The following C2orf42 variants were observed in gnomAD, a reference collection of about 807,000 sequenced individuals.
C2orf42 encodes uncharacterized protein C2orf42.
A neutral mutation model predicts 58.9 loss-of-function variants in C2orf42; 44 were observed. The observed-to-expected ratio is 0.75, with a 90% CI of 0.59 to 0.96. The LOEUF (loss-of-function observed/expected upper bound fraction) is 0.96, where lower values mean the gene tolerates loss of function less well. C2orf42 is among the 40% of genes least tolerant of loss of function. The pLI, the probability that C2orf42 is intolerant of heterozygous loss-of-function variation, is 0.00. For missense variants in C2orf42, 630 were observed against 699.2 expected (o/e 0.90, Z 1.12); for synonymous variants, 239 against 265.4 (o/e 0.90, Z 0.97).
chr2:70,175,862 T>C lies in C2orf42; in HGVS notation c.935-85A>G, dbSNP rs780354319. 9.0e-5 allele frequency: 77 copies of C among 857,448 alleles called. No homozygotes were observed. In the East Asian group the frequency reaches 1.7e-3, roughly 19 times the overall value. 53.1% of individuals were successfully genotyped at this position (857,448 alleles called of 1,614,324 possible). A position where few individuals can be genotyped will look rare whatever the true frequency, so the allele number is the denominator to read the frequency against. On this transcript the variant is annotated intron_variant, in intron 4 of 9. Coordinates refer to ENST00000264434, the MANE Select transcript of C2orf42 (RefSeq NM_017880.3). ...GTTAATTTTTAGAGTCTAAAACATATAAACAGTCTTTGCTAATTTCTAGGT... is the reference window on the plus strand; with the variant it reads ...GTTAATTTTTAGAGTCTAAAACATACAAACAGTCTTTGCTAATTTCTAGGT...
At chr2:70,159,706 T>C (rs1672934196) in intron 9 of C2orf42, among the ~76,000 whole-genome samples, 1 of 152,164 alleles carries the variant, frequency 6.6e-6, no homozygotes, top group African/African-American at 2.4e-5. Flanking sequence ...GATTTTAATT[T>C]TTCTTCTTTT....
chr2:70,183,978 A>G, intron 1 of C2orf42, among the ~76,000 whole-genome samples: 1 of 151,822 alleles, frequency 6.6e-6, no homozygotes, highest in East Asian at 1.9e-4. Context: ...GCTAATTTTT[A>G]AAAAATTTTT....
chr2:70,181,507 T>C lies in C2orf42; in HGVS notation c.479A>G (p.Gln160Arg), dbSNP rs1487267094. The C allele has an allele frequency of 2.5e-6, 4 of 1,613,412 alleles. No individual in the cohort carries two copies. The highest frequency in any genetic ancestry group is 3.3e-5 in the Admixed American group (2 of 59,994). Residue 160 changes from glutamine (Q) to arginine (R), a missense_variant, in exon 3 of 10, where the codon CAG becomes CGG. Transcript: ENST00000264434. Reference protein sequence around the residue: ...TLKSSVLNAMQASPETKQTIW... With the variant: ...TLKSSVLNAMRASPETKQTIW... ...GGTCTGTTTGGTTTCCGGGGAGGCC[T>C]GCATTGCATTCAGGACCGAGCTCTT...
At chr2:70,173,972 C>A (rs1674012903) in intron 5 of C2orf42, among the ~76,000 whole-genome samples, 1 of 152,066 alleles carries the variant, frequency 6.6e-6, no homozygotes, top group South Asian at 2.1e-4. Flanking sequence ...ACACATCCTG[C>A]AAGACACCTG....
At chr2:70,160,512 G>T in intron 9 of C2orf42, 113 bp downstream of exon 9, 1 of 680,008 alleles carries the variant, frequency 1.5e-6, no homozygotes, top group Non-Finnish European at 2.4e-6. Flanking sequence ...GCCTTTACAA[G>T]GTGAATGAAT....
intron 1 of C2orf42, among the ~76,000 whole-genome samples, chr2:70,189,388 A>G (rs1291852617): frequency 7.5e-6 from 1 of 133,236 alleles, no homozygotes; most frequent in Admixed American, 7.7e-5. Flanking sequence ...CCTGGGGAAC[A>G]AGAGAGAAAC....
At chr2:70,157,409 C>T (rs1164793211) in intron 9 of C2orf42, among the ~76,000 whole-genome samples, 1 of 151,770 alleles carries the variant, frequency 6.6e-6, no homozygotes, top group Non-Finnish European at 1.5e-5. Flanking sequence ...GAGCCGAGAT[C>T]GCACCACTGC....
intron 4 of C2orf42, among the ~76,000 whole-genome samples, chr2:70,178,226 T>G (rs1471893065): frequency 6.6e-6 from 1 of 152,228 alleles, no homozygotes; most frequent in Non-Finnish European, 1.5e-5. Context: ...CTAGGTCTCT[T>G]GATGCTTACC....
At position 70,175,777 on chromosome 2, in the gene C2orf42, C is replaced by A. The variant is rs760473089; in HGVS notation, c.935G>T (p.Gly312Val). 6.3e-7 allele frequency: 1 copy of A among 1,575,788 alleles called. No individual in the cohort carries two copies. The highest frequency in any genetic ancestry group is 1.1e-5 in the South Asian group (1 of 90,250). The change falls in exon 5 of 10, where the codon GGT becomes GTT. Residue 312 changes from glycine to valine, a missense_variant and splice_region_variant. Coordinates refer to ENST00000264434, the MANE Select transcript of C2orf42 (RefSeq NM_017880.3). The part of the protein sequence containing the change: ...SKKRRKDEVS[G>V]AQMNSSLLPQ... ...CAGTAGTGAACTGTTCATCTGTGCA[C>A]CTAAACCACAAATCATTACAGGTTT... is the stretch of plus-strand genomic sequence containing the variant.
chr2:70,157,255 C>T (rs1017685057), intron 9 of C2orf42, among the ~76,000 whole-genome samples: 3 of 149,498 alleles, frequency 2.0e-5, no homozygotes, highest in Non-Finnish European at 4.4e-5. Context: ...GAGATCGAGA[C>T]CATCCTGGCT....
intron 8 of C2orf42, among the ~76,000 whole-genome samples, chr2:70,161,840 C>CAAAA (rs1172754744): frequency 1.3e-5 from 1 of 77,482 alleles, no homozygotes; most frequent in African/African-American, 4.1e-5. Flanking sequence ...AAGTCCGTGT[C>CAAAA]AAAAAAAAAA....
Position 70,165,590 on chromosome 2 carries a change from TC to T in C2orf42, c.1189del (p.Asp397MetfsTer9), listed in dbSNP as rs1206870471. 6.2e-7 allele frequency: 1 copy of T among 1,611,816 alleles called. No individual in the cohort carries two copies. The highest frequency in any genetic ancestry group is 1.7e-5 in the Admixed American group (1 of 59,930). On this transcript the variant is annotated frameshift_variant, in exon 7 of 10. Coordinates refer to ENST00000264434, the MANE Select transcript of C2orf42 (RefSeq NM_017880.3). LOFTEE classifies it high-confidence loss of function. Reference sequence around the variant, plus strand: ...TATAGATATTCTTTGTTGCAGGGCATCAAAAAATGACTGAGGAATGTGGAAC... The same window carrying T: ...TATAGATATTCTTTGTTGCAGGGCATAAAAAATGACTGAGGAATGTGGAAC... ...LVFHIPQSFF[D>X]ALQQRISIGS...
intron 9 of C2orf42, among the ~76,000 whole-genome samples, chr2:70,154,414 TAAA>T (rs36028499): frequency 0.032 from 827 of 25,504 alleles, 24 homozygotes; most frequent in Admixed American, 0.19. Context: ...AAATTTTTAC[TAAA>T]AAAAAAAAAA....
At chr2:70,157,347 A>G (rs1323625396) in intron 9 of C2orf42, among the ~76,000 whole-genome samples, 1 of 152,068 alleles carries the variant, frequency 6.6e-6, no homozygotes, top group Non-Finnish European at 1.5e-5. Flanking sequence ...CCAGCTACTC[A>G]GGAGGCTGAG....
rs554984827 is a variant in C2orf42 at position 70,163,370 on chromosome 2, G to A, written c.1353+1722C>T. On this transcript the variant is annotated intron_variant, in intron 8 of 9. Transcript: ENST00000264434. ...CACCATTCTCCTGACTCAGCCTCCC[G>A]AGTAGCTGGGACTACAGGAGCCTGC... is the stretch of plus-strand genomic sequence containing the variant. Among the ~76,000 whole-genome samples the A allele has an allele frequency of 1.8e-4, 27 of 151,096 alleles. No homozygotes were observed. The East Asian group carries it at 4.7e-3, about 26-fold the overall frequency.
rs546538568 is a variant in C2orf42, at chr2:70,165,199, C to T, written c.1253-7G>A. 1.2e-5 allele frequency: 18 copies of T among 1,564,830 alleles called. No individual in the cohort carries two copies. The highest frequency in any genetic ancestry group is 3.4e-4 in the Middle Eastern group (2 of 5,962). On this transcript the variant is annotated splice_region_variant and splice_polypyrimidine_tract_variant and intron_variant, in intron 7 of 9. Coordinates refer to ENST00000264434, the MANE Select transcript of C2orf42 (RefSeq NM_017880.3). ...GCATCTTTCCGAACAAAAGCTTCAA[C>T]GTGAAAAAAGGACAAAATTAGATTA... is the stretch of plus-strand genomic sequence containing the variant.
intron 9 of C2orf42, among the ~76,000 whole-genome samples, chr2:70,153,696 A>G (rs866112647): frequency 7.3e-5 from 11 of 151,398 alleles, no homozygotes; most frequent in Non-Finnish European, 1.3e-4. Flanking sequence ...AAAACTACAT[A>G]AGGAAAAGGG....
Position 70,160,759 on chromosome 2 carries a change from A to T in C2orf42, c.1382T>A (p.Ile461Asn). ...CTCATAAGTCCCATCTCGGTTCTGG[A>T]TAAAGCTACGGGTGATTTCCAAGGG... ...EMPLEITRSF[I>N]QNRDGTYELF... The change falls in exon 9 of 10, where the codon ATC (isoleucine) becomes AAC (asparagine). Residue 461 changes from isoleucine to asparagine, a missense_variant. By Grantham distance (149) the Ile-to-Asn change is moderately radical. Transcript: ENST00000264434. 1 of 1,608,820 alleles carries T rather than the reference A, an allele frequency of 6.2e-7. No homozygotes were observed.
intron 1 of C2orf42, among the ~76,000 whole-genome samples, chr2:70,185,778 T>C (rs768854592): frequency 6.7e-6 from 1 of 149,814 alleles, no homozygotes. Context: ...TACACACATA[T>C]ATATATATAC....
Sources: allele counts gnomAD v4.1 joint callset (sites outside exome capture counted in the v4.1 genomes callset), GRCh38; gene constraint gnomAD v4.1.1; transcripts MANE v1.5; gene names NCBI Gene and HGNC (gene_info 2026-07-23, HGNC 2026-07-21).